Variants in NDE1 observed in about 807,000 individuals in gnomAD.
NDE1 encodes nudE neurodevelopment protein 1.
NDE1 carries 28 observed loss-of-function variants against 43.4 expected under a neutral mutation model. The ratio of observed to expected loss-of-function variants is 0.65; its 90% CI spans 0.48 to 0.89. NDE1 has a LOEUF of 0.89. NDE1 is among the 40% of genes least tolerant of loss of function. NDE1 has a pLI of 0.00. For synonymous variants in NDE1, 184 were observed against 172.0 expected, an observed-to-expected ratio of 1.07 and a Z score of -0.55; for missense variants, 441 against 434.1, an observed-to-expected ratio of 1.02 and a Z score of -0.14.
At chr16:15,723,175 A>C (rs140925114) in intron 8 of NDE1, among the ~76,000 whole-genome samples, 18 of 152,328 alleles carry the variant, frequency 1.2e-4, no homozygotes, top group African/African-American at 4.3e-4. Flanking sequence ...CGTACAATTA[A>C]GATTTGTGAA....
intron 8 of NDE1, among the ~76,000 whole-genome samples, 189 bp from the exon 9 acceptor site, chr16:15,724,002 T>C (rs1251651568): frequency 6.6e-6 from 1 of 152,118 alleles, no homozygotes; most frequent in Non-Finnish European, 1.5e-5. Flanking sequence ...GCGTTAATGC[T>C]CCATGGTCGC....
At chr16:15,719,576 A>C (rs765235227) in intron 8 of NDE1, 2 of 1,613,938 alleles carry the variant, frequency 1.2e-6, no homozygotes, top group Non-Finnish European at 1.7e-6. Context: ...TAGCAAGGCG[A>C]GGCTTTACCT....
chr16:15,702,004 C>G (rs1033110051), intron 8 of NDE1: 4 of 151,934 alleles, frequency 2.6e-5, no homozygotes, highest in Non-Finnish European at 5.9e-5. Context: ...TTTTTTTAAC[C>G]AAGTTAAAAA....
rs2102061 is a variant in NDE1, at chr16:15,699,758, C to T, written c.947+2898C>T. 24,386 of 1,351,340 alleles carry T rather than the reference C, an allele frequency of 0.018. 3,430 individuals carry two copies. The African/African-American group carries it at 0.31, about 17-fold the overall frequency. 83.7% of individuals were successfully genotyped at this position (1,351,340 alleles called of 1,614,324 possible). On this transcript the variant is annotated intron_variant, in intron 8 of 8. Transcript: ENST00000396354. Reference sequence around the variant, plus strand: ...GGGAAGCGCCTGGAATTTGGGAAGCCGCCTTCACACATGTCTTCATCGCCG... The same window carrying T: ...GGGAAGCGCCTGGAATTTGGGAAGCTGCCTTCACACATGTCTTCATCGCCG...
Position 15,719,771 on chromosome 16 carries a change from G to A in NDE1, c.948-4420G>A, listed in dbSNP as rs553955159. 5.2e-5 allele frequency: 83 copies of A among 1,610,982 alleles called. No homozygotes were observed. In the Admixed American group the frequency reaches 1.4e-3, roughly 27 times the overall value. ...TGTCCTTACTCCCCCAAGTTCTGCTGCCCAGTTCAGCTTTGCACACCCACC... is the reference window on the plus strand; with the variant it reads ...TGTCCTTACTCCCCCAAGTTCTGCTACCCAGTTCAGCTTTGCACACCCACC... On this transcript the variant is annotated intron_variant, in intron 8 of 8. Coordinates refer to ENST00000396354, the MANE Select transcript of NDE1 (RefSeq NM_017668.3).
intron 8 of NDE1, chr16:15,713,710 C>T (rs2039953212): frequency 6.6e-6 from 1 of 152,248 alleles, no homozygotes; most frequent in Non-Finnish European, 1.5e-5. Flanking sequence ...TCTTGAACTC[C>T]TGAGCTCAAA....
intron 2 of NDE1, among the ~76,000 whole-genome samples, chr16:15,665,197 C>T (rs1249731750): frequency 6.6e-6 from 1 of 151,834 alleles, no homozygotes; most frequent in Non-Finnish European, 1.5e-5. Flanking sequence ...ATAAAAAGAA[C>T]AGCAACCATT....
intron 5 of NDE1, among the ~76,000 whole-genome samples, chr16:15,690,297 C>CA (rs1567652043): frequency 1.4e-5 from 2 of 144,640 alleles, no homozygotes; most frequent in Admixed American, 1.4e-4. Flanking sequence ...CTCGACCTCT[C>CA]AGAGTGCTGG....
Position 15,668,554 on chromosome 16 carries a change from C to T in NDE1, c.237+1115C>T, listed in dbSNP as rs932280600. The stretch of plus-strand genomic sequence containing the variant: ...TGCTGGGATTATAGGCATGAGCCAC[C>T]ACCTGGCCAGGGAGACATTTTTAGG... On this transcript the variant is annotated intron_variant, in intron 3 of 8. Coordinates refer to ENST00000396354, the MANE Select transcript of NDE1 (RefSeq NM_017668.3). Among the ~76,000 whole-genome samples, 4 of 152,170 alleles carry T rather than the reference C, an allele frequency of 2.6e-5. No individual in the cohort carries two copies. The South Asian group carries it at 8.3e-4, about 32-fold the overall frequency.
chr16:15,725,927 G>A lies in NDE1; in HGVS notation c.*1676G>A, dbSNP rs1422985052. On this transcript the variant is annotated 3_prime_UTR_variant, in exon 9 of 9. Coordinates refer to ENST00000396354, the MANE Select transcript of NDE1 (RefSeq NM_017668.3). The stretch of plus-strand genomic sequence containing the variant: ...AAAGCCCTACATCATCTGGGTACAA[G>A]CTCCCCCTCCAACCCCACTCTGTAC... The A allele has an allele frequency of 5.3e-6, 2 of 375,164 alleles. No individual in the cohort carries two copies. The highest frequency in any genetic ancestry group is 7.6e-5 in the East Asian group (2 of 26,152). The allele number at this position is 375,164 out of a possible 1,614,324, so 23.2% of individuals were successfully genotyped here.
At chr16:15,676,132 C>T (rs2037859825) in intron 3 of NDE1, among the ~76,000 whole-genome samples, 1 of 151,442 alleles carries the variant, frequency 6.6e-6, no homozygotes, top group Non-Finnish European at 1.5e-5. Flanking sequence ...TTCCTCTCTC[C>T]TCTGTCTCCC....
chr16:15,686,723 T>G (rs986673644), intron 4 of NDE1: 4 of 253,984 alleles, frequency 1.6e-5, no homozygotes, highest in African/African-American at 9.3e-5. Context: ...TATTATTATT[T>G]TGAGATGGAG....
At chr16:15,661,545 G>T (rs1318941930) in intron 1 of NDE1, among the ~76,000 whole-genome samples, 3 of 150,968 alleles carry the variant, frequency 2.0e-5, no homozygotes, top group Non-Finnish European at 4.4e-5. Context: ...CTGCAGCCTC[G>T]ACCTCTCCTT....
At chr16:15,706,505 C>G (rs1466079038) in intron 8 of NDE1, among the ~76,000 whole-genome samples, 1 of 152,106 alleles carries the variant, frequency 6.6e-6, no homozygotes, top group Non-Finnish European at 1.5e-5. Context: ...GTCAGTTGTT[C>G]GAGGCCATCC....
At chr16:15,665,509 A>G (rs1174152070) in intron 2 of NDE1, among the ~76,000 whole-genome samples, 2 of 151,594 alleles carry the variant, frequency 1.3e-5, no homozygotes, top group African/African-American at 4.9e-5. Context: ...CAGTGGTGCC[A>G]TCTTGGCTCA....
Position 15,715,388 on chromosome 16 carries a change from C to G in NDE1, c.948-8803C>G, listed in dbSNP as rs144676288. ...TCCTGAGCCCCGTATCTGGACTCCT[C>G]TCAAGAATCAGTCAGATGGTGGAAT... is the stretch of plus-strand genomic sequence containing the variant. On this transcript the variant is annotated intron_variant, in intron 8 of 8. Transcript: ENST00000396354. 2.4e-4 allele frequency: 217 copies of G among 889,152 alleles called. 3 individuals carry two copies. Among genetic ancestry groups the G allele is most frequent in the South Asian group, 2.0e-3 (149 of 74,584 alleles). The allele number at this position is 889,152 out of a possible 1,614,324, so 55.1% of individuals were successfully genotyped here.
chr16:15,690,427 G>A (rs1216164240), intron 5 of NDE1, among the ~76,000 whole-genome samples: 1 of 117,846 alleles, frequency 8.5e-6, no homozygotes, highest in East Asian at 2.8e-4. Flanking sequence ...GTATGATCAT[G>A]GCTTACTGCA....
At chr16:15,650,936 C>T (rs949288054) in intron 1 of NDE1, among the ~76,000 whole-genome samples, 2 of 152,222 alleles carry the variant, frequency 1.3e-5, no homozygotes, top group Middle Eastern at 3.2e-3. Flanking sequence ...GCTCCCGTCT[C>T]TGCCGCAGGA....
At chr16:15,663,819 C>T (rs962507849) in intron 1 of NDE1, among the ~76,000 whole-genome samples, 8 of 152,048 alleles carry the variant, frequency 5.3e-5, no homozygotes, top group African/African-American at 1.9e-4. Context: ...GTAATACCAG[C>T]ACTTTGGGAG....
Sources: allele counts gnomAD v4.1 joint callset (sites outside exome capture counted in the v4.1 genomes callset), GRCh38; gene constraint gnomAD v4.1.1; transcripts MANE v1.5; gene names NCBI Gene and HGNC (gene_info 2026-07-23, HGNC 2026-07-21).